GNAI1: variants seen among roughly 807,000 people sequenced by gnomAD.
GNAI1 encodes the protein G protein subunit alpha i1, also known as guanine nucleotide-binding protein G(i) subunit alpha-1.
Under a neutral mutation model 38.9 loss-of-function variants are expected in GNAI1, and 11 were observed. The observed-to-expected ratio is 0.28, with a 90% CI of 0.18 to 0.47. The LOEUF (loss-of-function observed/expected upper bound fraction) is 0.47. GNAI1 is among the 20% of genes least tolerant of loss of function. The pLI, the probability that GNAI1 is intolerant of heterozygous loss-of-function variation, is 0.99. For missense variants in GNAI1, 317 were observed against 436.9 expected, an observed-to-expected ratio of 0.73 and a Z score of 2.45; for synonymous variants, 166 against 145.1, an observed-to-expected ratio of 1.14 and a Z score of -1.04.
intron 1 of GNAI1, among the ~76,000 whole-genome samples, chr7:80,180,322 A>AGTGTGT (rs59104301): frequency 1.0e-4 from 15 of 150,196 alleles, no homozygotes; most frequent in African/African-American, 2.2e-4. Context: ...ATTCTTATAA[A>AGTGTGT]GTGTGTGTGT....
chr7:80,197,716 GT>G (rs976859195), intron 3 of GNAI1, among the ~76,000 whole-genome samples: 9 of 152,064 alleles, frequency 5.9e-5, no homozygotes, highest in Admixed American at 3.3e-4. Context: ...CATTTCTCTT[GT>G]GATTTGCTAA....
chr7:80,212,947 G>C, intron 7 of GNAI1, 78 bp downstream of exon 7: 1 of 960,658 alleles, frequency 1.0e-6, no homozygotes, highest in South Asian at 1.7e-5. Flanking sequence ...GAATTCAGTT[G>C]TTAATTTAAA....
chr7:80,168,537 G>A (rs1299513154), intron 1 of GNAI1, among the ~76,000 whole-genome samples: 4 of 152,086 alleles, frequency 2.6e-5, no homozygotes, highest in South Asian at 2.1e-4. Context: ...ACAGGTGCCC[G>A]CCACCACGCC....
intron 3 of GNAI1, among the ~76,000 whole-genome samples, chr7:80,189,979 G>T (rs1182382956): frequency 6.6e-6 from 1 of 151,698 alleles, no homozygotes; most frequent in East Asian, 1.9e-4. Flanking sequence ...ATTGCTTAAT[G>T]TATTTATTTC....
At chr7:80,165,334 C>A (rs1584021252) in intron 1 of GNAI1, among the ~76,000 whole-genome samples, 1 of 152,266 alleles carries the variant, frequency 6.6e-6, no homozygotes, top group East Asian at 1.9e-4. Context: ...AGATCTCACT[C>A]CACAGCTAGA....
At chr7:80,202,318 G>A (rs1371337878) in intron 4 of GNAI1, among the ~76,000 whole-genome samples, 1 of 152,124 alleles carries the variant, frequency 6.6e-6, no homozygotes, top group Non-Finnish European at 1.5e-5. Flanking sequence ...TTGATTGCCT[G>A]ACCTCGTGAT....
At position 80,217,557 on chromosome 7, in the gene GNAI1, A is replaced by G. The variant is rs1045044317; in HGVS notation, c.*64A>G. On this transcript the variant is annotated 3_prime_UTR_variant, in exon 8 of 8. Transcript: ENST00000649796. ...TGAGTACTTATATATGGATCTCTGT[A>G]GACTAGAGTCTTGCAGCAACACAGA... The G allele has an allele frequency of 7.0e-6, 6 of 859,136 alleles. No individual in the cohort carries two copies. In the Admixed American group the frequency reaches 1.6e-4, roughly 23 times the overall value. The allele number at this position is 859,136 out of a possible 1,614,324, so 53.2% of individuals were successfully genotyped here.
intron 1 of GNAI1, among the ~76,000 whole-genome samples, chr7:80,158,247 A>T (rs1182741659): frequency 6.6e-6 from 1 of 152,192 alleles, no homozygotes; most frequent in East Asian, 1.9e-4. Flanking sequence ...CATTTTCTTG[A>T]TATCTACAAA....
At chr7:80,169,555 T>C (rs1405827919) in intron 1 of GNAI1, among the ~76,000 whole-genome samples, 1 of 152,170 alleles carries the variant, frequency 6.6e-6, no homozygotes, top group East Asian at 1.9e-4. Flanking sequence ...AACCAGGTGT[T>C]AGTGTTTCAG....
At position 80,221,009 on chromosome 7, in the gene GNAI1, A is replaced by G. The variant is rs1306371517; in HGVS notation, c.*3516A>G. Among the ~76,000 whole-genome samples the G allele has an allele frequency of 6.6e-6, 1 of 152,198 alleles. No homozygotes were observed. The highest frequency in any genetic ancestry group is 2.4e-5 in the African/African-American group (1 of 41,444). On this transcript the variant is annotated 3_prime_UTR_variant, in exon 8 of 8. Transcript: ENST00000649796. ...CTTAAGAGCACAGTTACCATTTTTT[A>G]CATCATTTGCCGTTTGCAGAACCAC...
In GNAI1 at chr7:80,174,650, A is replaced by G. The variant is rs1341368557; in HGVS notation, c.119-14301A>G. ...ATTTTATTTTATGTGTTATGTTTACATGTTTATATATTTGTTTATATATTT... is the reference window on the plus strand; with the variant it reads ...ATTTTATTTTATGTGTTATGTTTACGTGTTTATATATTTGTTTATATATTT... On this transcript the variant is annotated intron_variant, in intron 1 of 7. Transcript: ENST00000649796. 2.6e-5 allele frequency among the ~76,000 whole-genome samples: 4 copies of G among 151,486 alleles called. 1 individual carries two copies. Among genetic ancestry groups the G allele is most frequent in the South Asian group, 4.2e-4 (2 of 4,806 alleles).
At chr7:80,153,543 G>A (rs1787764341) in intron 1 of GNAI1, among the ~76,000 whole-genome samples, 2 of 152,170 alleles carry the variant, frequency 1.3e-5, no homozygotes, top group South Asian at 4.1e-4. Context: ...GGCCGAGGTA[G>A]GATGCTTATT....
intron 1 of GNAI1, among the ~76,000 whole-genome samples, chr7:80,180,322 AGT>A (rs59104301): frequency 0.053 from 7,991 of 150,132 alleles, 267 homozygotes; most frequent in Non-Finnish European, 0.066. Context: ...ATTCTTATAA[AGT>A]GTGTGTGTGT....
intron 1 of GNAI1, among the ~76,000 whole-genome samples, chr7:80,179,169 G>A (rs1295076168): frequency 6.6e-6 from 1 of 152,130 alleles, no homozygotes; most frequent in Admixed American, 6.5e-5. Context: ...TTAATAACTA[G>A]TTAGCAACTT....
intron 1 of GNAI1, among the ~76,000 whole-genome samples, chr7:80,153,026 A>C (rs1787755523): frequency 6.6e-6 from 1 of 152,194 alleles, no homozygotes. Flanking sequence ...TTTACCGAAG[A>C]ATGTAGACTT....
Position 80,174,038 on chromosome 7 carries a change from A to G in GNAI1, c.119-14913A>G, listed in dbSNP as rs189101149. Among the ~76,000 whole-genome samples, 356 of 152,286 alleles carry G rather than the reference A, an allele frequency of 2.3e-3. 3 individuals are homozygous for G. The highest frequency in any genetic ancestry group is 8.2e-3 in the African/African-American group (340 of 41,556). Reference sequence around the variant, plus strand: ...AGGATTGGAGGTAGGGGTTATCAGGAAACTTTGGAGAGTTAAAAGTAATTT... The same window carrying G: ...AGGATTGGAGGTAGGGGTTATCAGGGAACTTTGGAGAGTTAAAAGTAATTT... On this transcript the variant is annotated intron_variant, in intron 1 of 7. Coordinates refer to ENST00000649796, the MANE Select transcript of GNAI1 (RefSeq NM_002069.6).
intron 1 of GNAI1, among the ~76,000 whole-genome samples, chr7:80,151,648 T>C (rs536854578): frequency 6.6e-6 from 1 of 152,218 alleles, no homozygotes; most frequent in African/African-American, 2.4e-5. Flanking sequence ...ATGAAAAGGC[T>C]CAGTAGTGTT....
chr7:80,206,356 T>C (rs1447880205), intron 5 of GNAI1, among the ~76,000 whole-genome samples: 1 of 151,072 alleles, frequency 6.6e-6, no homozygotes, highest in African/African-American at 2.5e-5. Context: ...ATTTTTTTCT[T>C]AAAGCCTTCA....
chr7:80,136,073 G>C, intron 1 of GNAI1: 3 of 981,764 alleles, frequency 3.1e-6, no homozygotes, highest in Non-Finnish European at 3.6e-6. Flanking sequence ...GATTTGCCAG[G>C]TACACGCAAG....
Sources: gnomAD v4.1 joint callset for allele counts (sites outside exome capture counted in the v4.1 genomes callset) on GRCh38, gnomAD v4.1.1 for gene constraint, MANE v1.5 for transcripts, NCBI Gene and HGNC (gene_info 2026-07-23, HGNC 2026-07-21) for gene names.